HOXC4: variants seen among roughly 807,000 people sequenced by gnomAD.
The protein encoded by HOXC4 is homeobox C4.
In HOXC4, 15 loss-of-function variants were observed where a neutral mutation model predicts 25.5. The ratio of observed to expected loss-of-function variants is 0.59; its 90% CI spans 0.39 to 0.91. HOXC4 has a LOEUF of 0.91. Among genes scored for constraint, HOXC4 ranks in the 40% least tolerant of loss-of-function variants. The pLI is 0.00. For synonymous variants in HOXC4, 165 were observed against 148.0 expected, an observed-to-expected ratio of 1.11 and a Z score of -0.83; for missense variants, 342 against 352.4, an observed-to-expected ratio of 0.97 and a Z score of 0.24.
intron 1 of HOXC4, among the ~76,000 whole-genome samples, chr12:54,042,362 T>C (rs1941289858): frequency 6.6e-6 from 1 of 152,204 alleles, no homozygotes; most frequent in Admixed American, 6.5e-5. Context: ...GGAGACCAAC[T>C]CTCACCCTCA....
intron 1 of HOXC4, chr12:54,038,100 C>T (rs1190924359): frequency 6.6e-6 from 1 of 152,130 alleles, no homozygotes; most frequent in East Asian, 1.9e-4. Context: ...GCAGCTCCCA[C>T]TTATTAGGGG....
chr12:54,038,393 G>T (rs898740567), intron 1 of HOXC4, among the ~76,000 whole-genome samples: 5 of 152,200 alleles, frequency 3.3e-5, no homozygotes, highest in Non-Finnish European at 4.4e-5. Flanking sequence ...AGCTCAAAAT[G>T]CCTCTGGGGC....
At position 54,055,752 on chromosome 12, in the gene HOXC4, G is replaced by C. The variant is rs1937966968; in HGVS notation, c.*547G>C. On this transcript the variant is annotated 3_prime_UTR_variant, in exon 2 of 2. Coordinates refer to ENST00000430889, the MANE Select transcript of HOXC4 (RefSeq NM_153633.3). ...AAGTTCTTTTGTATTATTGTTGGGG[G>C]GGGGTGTGGGAGGAGAGGGGGCGAA... 1.3e-5 allele frequency: 2 copies of C among 152,284 alleles called. No homozygotes were observed. Among genetic ancestry groups the C allele is most frequent in the South Asian group, 2.1e-4 (1 of 4,824 alleles). The allele number at this position is 152,284 out of a possible 1,614,324, so 9.4% of individuals were successfully genotyped here.
chr12:54,034,042 CCCCCTCAG>C lies in HOXC4; in HGVS notation c.-124+16635_-124+16642del, dbSNP rs1234127814. 4.3e-6 allele frequency: 3 copies of C among 698,398 alleles called. No homozygotes were observed. In the Admixed American group the frequency reaches 6.1e-5, roughly 14 times the overall value. The allele number at this position is 698,398 out of a possible 1,614,324, so 43.3% of individuals were successfully genotyped here. A position where few individuals can be genotyped will look rare whatever the true frequency, so the allele number is the denominator to read the frequency against. On this transcript the variant is annotated intron_variant, in intron 1 of 3. Transcript: ENST00000303406. ...CTGGGTCTCCCTCTTCCCCCCAACC[CCCCCTCAG>C]CCCCTCCGGCTGCAGAGTGAAGGCT...
chr12:54,054,989 G>C lies in HOXC4; in HGVS notation c.579G>C (p.Leu193=), dbSNP rs1937941272. The C allele has an allele frequency of 1.9e-6, 3 of 1,614,020 alleles. No individual in the cohort carries two copies. In the Middle Eastern group the frequency reaches 4.9e-4, roughly 266 times the overall value. ...GAAGGATCGAGATCGCCCACTCGCT[G>C]TGCCTCTCTGAGAGGCAGATCAAAA... ...RRRRIEIAHS[L]CLSERQIKIW... The change falls in exon 2 of 2, where the codon CTG becomes CTC. Residue 193 remains leucine (L), a synonymous_variant. Transcript: ENST00000430889.
intron 1 of HOXC4, among the ~76,000 whole-genome samples, chr12:54,042,664 T>G (rs909665071): frequency 6.6e-6 from 1 of 152,218 alleles, no homozygotes; most frequent in Admixed American, 6.5e-5. Flanking sequence ...TCTTCTTTAG[T>G]GGGACTAGGG....
intron 1 of HOXC4, among the ~76,000 whole-genome samples, chr12:54,043,371 G>A (rs1941305973): frequency 2.6e-5 from 4 of 152,182 alleles, no homozygotes. Context: ...TTCAGGCTTG[G>A]TTCTGCCCTC....
In HOXC4 at chr12:54,054,243, C is replaced by T. The variant is rs545454768; in HGVS notation, c.321C>T (p.Ser107=). The change falls in exon 1 of 2, where the codon TCC becomes TCT. Residue 107 remains serine (S), a synonymous_variant. Coordinates refer to ENST00000430889, the MANE Select transcript of HOXC4 (RefSeq NM_153633.3). Reference sequence around the variant, plus strand: ...AGCCGGCGCCTCTCTCAGGCGCCTCCGCCTCCCCGTCCCCAGCCCCGCCAG... The same window carrying T: ...AGCCGGCGCCTCTCTCAGGCGCCTCTGCCTCCCCGTCCCCAGCCCCGCCAG... ...LCEPAPLSGA[S]ASPSPAPPAC... is the part of the protein sequence containing the mutation. The T allele has an allele frequency of 3.7e-6, 6 of 1,611,128 alleles. No individual in the cohort carries two copies. The highest frequency in any genetic ancestry group is 2.2e-5 in the East Asian group (1 of 44,800).
intron 1 of HOXC4, among the ~76,000 whole-genome samples, chr12:54,044,867 G>T (rs891347097): frequency 1.3e-5 from 2 of 152,096 alleles, no homozygotes; most frequent in Non-Finnish European, 2.9e-5. Context: ...TGGCTGGCAA[G>T]TCCCTCCCTT....
chr12:54,037,551 C>T (rs1207372842), intron 1 of HOXC4, among the ~76,000 whole-genome samples: 1 of 152,194 alleles, frequency 6.6e-6, no homozygotes, highest in South Asian at 2.1e-4. Context: ...AAAAGATCAA[C>T]ACGACCTCGA....
chr12:54,017,043 G>A (rs1046119569), exon 1 of HOXC4: 6 of 152,060 alleles, frequency 3.9e-5, no homozygotes, highest in Non-Finnish European at 8.8e-5. Context: ...GCCGAAGCTG[G>A]GGGCAGCTGG....
At chr12:54,044,783 A>G (rs1363821601) in intron 1 of HOXC4, among the ~76,000 whole-genome samples, 2 of 152,146 alleles carry the variant, frequency 1.3e-5, no homozygotes, top group African/African-American at 4.8e-5. Flanking sequence ...TACCAAACAA[A>G]CAATATATTT....
chr12:54,033,383 C>G (rs751557222), intron 1 of HOXC4: 1 of 1,613,022 alleles, frequency 6.2e-7, no homozygotes, highest in East Asian at 2.2e-5. Flanking sequence ...ACGCTCCGGG[C>G]AGAGACGAAG....
At chr12:54,035,528 C>G (rs999463472) in intron 1 of HOXC4, among the ~76,000 whole-genome samples, 2 of 152,132 alleles carry the variant, frequency 1.3e-5, no homozygotes, top group Non-Finnish European at 2.9e-5. Flanking sequence ...TTTCCTGTTC[C>G]TTGGCTGCAA....
chr12:54,029,884 C>A (rs768294867), intron 1 of HOXC4: 1 of 1,610,382 alleles, frequency 6.2e-7, no homozygotes, highest in Non-Finnish European at 8.5e-7. Context: ...CGGGGGGCGG[C>A]GGAGGGGCCA....
At position 54,054,060 on chromosome 12, in the gene HOXC4, G is replaced by C; in HGVS notation, c.138G>C (p.Gln46His). ...GCCGGACCAGGGAATCGGGATTCCA[G>C]CATCACCACCAGGAGCTGTACCCAC... is the stretch of plus-strand genomic sequence containing the variant. ...YYGRTRESGF[Q>H]HHHQELYPPP... The change falls in exon 1 of 2, where the codon CAG becomes CAC. Residue 46 changes from glutamine (Q) to histidine (H), a missense_variant. Coordinates refer to ENST00000430889, the MANE Select transcript of HOXC4 (RefSeq NM_153633.3). 6.2e-7 allele frequency: 1 copy of C among 1,614,064 alleles called. No individual in the cohort carries two copies. Among genetic ancestry groups the C allele is most frequent in the Non-Finnish European group, 8.5e-7 (1 of 1,180,006 alleles).
chr12:54,047,392 G>A (rs1170610698), intron 1 of HOXC4, among the ~76,000 whole-genome samples: 2 of 152,270 alleles, frequency 1.3e-5, no homozygotes, highest in East Asian at 1.9e-4. Flanking sequence ...CACCGCGGCA[G>A]GACCATTTCG....
intron 1 of HOXC4, chr12:54,034,383 A>T: frequency 6.2e-7 from 1 of 1,614,168 alleles, no homozygotes; most frequent in East Asian, 2.2e-5. Flanking sequence ...AGGCGCATAG[A>T]GATCGCCAAC....
intron 1 of HOXC4, among the ~76,000 whole-genome samples, chr12:54,043,606 C>A (rs1251425975): frequency 6.6e-6 from 1 of 150,618 alleles, no homozygotes; most frequent in Non-Finnish European, 1.5e-5. Flanking sequence ...ACCCCTCAAG[C>A]CCTGCGCAGC....
Sources: gnomAD v4.1 joint callset for allele counts (sites outside exome capture counted in the v4.1 genomes callset) on GRCh38, gnomAD v4.1.1 for gene constraint, MANE v1.5 for transcripts, NCBI Gene and HGNC (gene_info 2026-07-23, HGNC 2026-07-21) for gene names.